Variants in TMTC2 observed in about 807,000 individuals in gnomAD.
The protein encoded by TMTC2 is protein O-mannosyl-transferase TMTC2.
In TMTC2, 43 loss-of-function variants were observed where a neutral mutation model predicts 82.4. That is an observed-to-expected ratio of 0.52 (90% CI 0.41 to 0.67). The LOEUF is 0.67. TMTC2 is among the 30% of genes least tolerant of loss of function. The probability of loss-of-function intolerance (pLI) is 0.00; values close to 1 mark genes in which losing one functional copy is unlikely to be tolerated. For missense variants in TMTC2, 919 were observed against 1,012.4 expected (o/e 0.91, Z 1.25); for synonymous variants, 408 against 381.9 (o/e 1.07, Z -0.80).
chr12:82,997,414 A>ATATATATATGTG (rs1201899656), intron 8 of TMTC2, among the ~76,000 whole-genome samples: 548 of 29,426 alleles, frequency 0.019, 67 homozygotes, highest in East Asian at 0.18. Flanking sequence ...ATATATGTGT[A>ATATATATATGTG]TATATATATA....
chr12:82,726,061 T>C (rs959166788), intron 1 of TMTC2, among the ~76,000 whole-genome samples: 1 of 152,210 alleles, frequency 6.6e-6, no homozygotes, highest in Admixed American at 6.5e-5. Flanking sequence ...AAGGACCACT[T>C]TGCAGGGCCA....
intron 11 of TMTC2, among the ~76,000 whole-genome samples, chr12:83,077,048 G>A (rs754763958): frequency 6.6e-6 from 1 of 152,156 alleles, no homozygotes; most frequent in Non-Finnish European, 1.5e-5. Context: ...TGTTATGAGA[G>A]GGGTCAAGAC....
In TMTC2 at chr12:82,707,960, T is replaced by C. The variant is rs79210925; in HGVS notation, c.83+20291T>C. Reference sequence around the variant, plus strand: ...TCACCTATAGGAGATAGTTGATTCATATAGATATGCGTGCACAAGCATGTG... The same window carrying C: ...TCACCTATAGGAGATAGTTGATTCACATAGATATGCGTGCACAAGCATGTG... On this transcript the variant is annotated intron_variant, in intron 1 of 11. Coordinates refer to ENST00000321196, the MANE Select transcript of TMTC2 (RefSeq NM_152588.3). Among the ~76,000 whole-genome samples, 206 of 152,306 alleles carry C rather than the reference T, an allele frequency of 1.4e-3. 2 individuals carry two copies. The highest frequency in any genetic ancestry group is 3.9e-3 in the African/African-American group (163 of 41,568).
At chr12:82,694,452 G>A (rs770704376) in intron 1 of TMTC2, among the ~76,000 whole-genome samples, 3 of 152,258 alleles carry the variant, frequency 2.0e-5, no homozygotes, top group Admixed American at 6.5e-5. Flanking sequence ...CACTGTATCC[G>A]TTTTAGAAGT....
chr12:83,098,518 C>T (rs1884106554), intron 11 of TMTC2, among the ~76,000 whole-genome samples: 2 of 152,206 alleles, frequency 1.3e-5, no homozygotes, highest in African/African-American at 4.8e-5. Context: ...TCAGTCCTGT[C>T]ACAAAAGCTG....
At chr12:82,793,077 C>G (rs1337162645) in intron 1 of TMTC2, among the ~76,000 whole-genome samples, 1 of 152,074 alleles carries the variant, frequency 6.6e-6, no homozygotes, top group African/African-American at 2.4e-5. Flanking sequence ...CACATATGCA[C>G]GTAACCACTG....
At chr12:83,126,215 A>C (rs765728812) in intron 11 of TMTC2, among the ~76,000 whole-genome samples, 20 of 152,140 alleles carry the variant, frequency 1.3e-4, no homozygotes, top group Non-Finnish European at 2.8e-4. Flanking sequence ...TAATATTTAC[A>C]TTTGCTATGG....
At chr12:83,090,640 C>G (rs1014435833) in intron 11 of TMTC2, among the ~76,000 whole-genome samples, 1 of 152,118 alleles carries the variant, frequency 6.6e-6, no homozygotes, top group African/African-American at 2.4e-5. Context: ...TCTGTCTTCC[C>G]CCTCCTCATC....
At chr12:83,071,422 G>T (rs757961247) in intron 11 of TMTC2, among the ~76,000 whole-genome samples, 1 of 152,132 alleles carries the variant, frequency 6.6e-6, no homozygotes, top group East Asian at 1.9e-4. Context: ...CTCCCAAAGT[G>T]CTGGGATTAC....
chr12:82,895,749 T>C (rs1873630780), intron 2 of TMTC2, 69 bp from the exon 3 acceptor site: 2 of 1,346,346 alleles, frequency 1.5e-6, no homozygotes, highest in Non-Finnish European at 2.0e-6. Flanking sequence ...ATTTTATCTC[T>C]AAGTGTTAAG....
At chr12:83,045,395 A>G (rs1400401141) in intron 9 of TMTC2, among the ~76,000 whole-genome samples, 1 of 152,226 alleles carries the variant, frequency 6.6e-6, no homozygotes, top group Non-Finnish European at 1.5e-5. Context: ...TGAGAACAAA[A>G]TAAATTTTAC....
chr12:82,898,246 G>C (rs1873781645), intron 3 of TMTC2, among the ~76,000 whole-genome samples: 5 of 152,094 alleles, frequency 3.3e-5, no homozygotes, highest in Admixed American at 3.3e-4. Flanking sequence ...TTGAATGCCT[G>C]GACCCAAATC....
At chr12:82,745,577 A>G (rs1324655628) in intron 1 of TMTC2, among the ~76,000 whole-genome samples, 1 of 152,218 alleles carries the variant, frequency 6.6e-6, no homozygotes, top group Non-Finnish European at 1.5e-5. Context: ...CATTACCAGT[A>G]AACATTGTAC....
At position 83,071,149 on chromosome 12, in the gene TMTC2, G is replaced by T. The variant is rs1360693525; in HGVS notation, c.2331+9318G>T. 5.7e-4 allele frequency among the ~76,000 whole-genome samples: 72 copies of T among 126,654 alleles called. 1 individual carries two copies. The highest frequency in any genetic ancestry group is 6.4e-4 in the Non-Finnish European group (39 of 60,762). The allele number at this position is 126,654 out of a possible 152,430, so 83.1% of individuals were successfully genotyped here. A position where few individuals can be genotyped will look rare whatever the true frequency, so the allele number is the denominator to read the frequency against. On this transcript the variant is annotated intron_variant, in intron 11 of 11. Coordinates refer to ENST00000321196, the MANE Select transcript of TMTC2 (RefSeq NM_152588.3). ...TCATCAAGAATATTGGTCTGTAGTT[G>T]TTTTTTTTTTTGTTTTTTTTTTTGA...
intron 7 of TMTC2, among the ~76,000 whole-genome samples, chr12:82,978,021 A>G (rs1304396257): frequency 6.6e-6 from 1 of 151,858 alleles, no homozygotes; most frequent in Non-Finnish European, 1.5e-5. Flanking sequence ...TGGAGAAAAC[A>G]TAAAAATTTG....
rs185480427 is a variant in TMTC2, at chr12:83,080,972, G to A, written c.2331+19141G>A. ...GCAGAGTGTCAAATATATGTCAGTTGCTAAAACAAGCCCTGTGGATATAAT... is the reference window on the plus strand; with the variant it reads ...GCAGAGTGTCAAATATATGTCAGTTACTAAAACAAGCCCTGTGGATATAAT... On this transcript the variant is annotated intron_variant, in intron 11 of 11. Transcript: ENST00000321196. 1.5e-4 allele frequency among the ~76,000 whole-genome samples: 23 copies of A among 152,332 alleles called. No individual in the cohort carries two copies. The East Asian group carries it at 3.5e-3, about 23-fold the overall frequency.
chr12:82,868,117 T>G (rs1347640301), intron 2 of TMTC2, among the ~76,000 whole-genome samples: 1 of 152,198 alleles, frequency 6.6e-6, no homozygotes, highest in Non-Finnish European at 1.5e-5. Context: ...ATAGTAAATG[T>G]GTACTCTTTT....
rs1183869337 is a variant in TMTC2, at chr12:82,687,047, A to C, written c.-540A>C. On this transcript the variant is annotated 5_prime_UTR_variant, in exon 1 of 12. Coordinates refer to ENST00000321196, the MANE Select transcript of TMTC2 (RefSeq NM_152588.3). ...GTGCAGCAGCTGCCTTGGCGGCCGG[A>C]GTCCGCCCGAGCGACACCGGAGCAG... 1 of 161,558 alleles carries C rather than the reference A, an allele frequency of 6.2e-6. No individual in the cohort carries two copies. Among genetic ancestry groups the C allele is most frequent in the Non-Finnish European group, 1.4e-5 (1 of 73,018 alleles). The allele number at this position is 161,558 out of a possible 1,614,324, so 10.0% of individuals were successfully genotyped here.
Position 83,132,544 on chromosome 12 carries a change from T to C in TMTC2, c.*155T>C. 1 of 813,024 alleles carries C rather than the reference T, an allele frequency of 1.2e-6. No individual in the cohort carries two copies. 50.4% of individuals were successfully genotyped at this position (813,024 alleles called of 1,614,324 possible). A position where few individuals can be genotyped will look rare whatever the true frequency, so the allele number is the denominator to read the frequency against. On this transcript the variant is annotated 3_prime_UTR_variant, in exon 12 of 12. Transcript: ENST00000321196. Reference sequence around the variant, plus strand: ...CTACCGCTTCTGGAAGAATCCACTTTGCTGTAGGCACAGCTGTTAACACCA... The same window carrying C: ...CTACCGCTTCTGGAAGAATCCACTTCGCTGTAGGCACAGCTGTTAACACCA...
Sources: gnomAD v4.1 joint callset for allele counts (sites outside exome capture counted in the v4.1 genomes callset) on GRCh38, gnomAD v4.1.1 for gene constraint, MANE v1.5 for transcripts, NCBI Gene and HGNC (gene_info 2026-07-23, HGNC 2026-07-21) for gene names.